METAP1D: variants seen among roughly 807,000 people sequenced by gnomAD.
METAP1D encodes methionine aminopeptidase 1D, mitochondrial.
A neutral mutation model predicts 40.5 loss-of-function variants in METAP1D; 31 were observed. That is an observed-to-expected ratio of 0.77 (90% confidence interval 0.58 to 1.03). The LOEUF is 1.03. METAP1D is among the 50% of genes least tolerant of loss of function. The pLI is 0.00. For synonymous variants in METAP1D, 151 were observed against 146.4 expected (o/e 1.03, Z -0.22); for missense variants, 411 against 420.7 (o/e 0.98, Z 0.20).
At chr2:172,057,014 G>A (rs1225799466) in intron 1 of METAP1D, among the ~76,000 whole-genome samples, 1 of 152,176 alleles carries the variant, frequency 6.6e-6, no homozygotes, top group Non-Finnish European at 1.5e-5. Flanking sequence ...AATACATTAT[G>A]TAACAAAACA....
chr2:172,010,493 C>CT (rs759651661), intron 1 of METAP1D, among the ~76,000 whole-genome samples: 22,616 of 88,430 alleles, frequency 0.26, 3,656 homozygotes, highest in Non-Finnish European at 0.29. Flanking sequence ...CTTCTTTCCT[C>CT]TTTTTTTTTT....
intron 1 of METAP1D, among the ~76,000 whole-genome samples, chr2:172,030,166 C>T (rs184400731): frequency 4.0e-5 from 6 of 151,346 alleles, no homozygotes; most frequent in African/African-American, 1.5e-4. Flanking sequence ...CTCGGCTCAC[C>T]ACAACCTCCA....
At chr2:172,069,704 T>C (rs1690376291) in intron 5 of METAP1D, among the ~76,000 whole-genome samples, 1 of 152,210 alleles carries the variant, frequency 6.6e-6, no homozygotes, top group Non-Finnish European at 1.5e-5. Context: ...GTAATTAAGA[T>C]AATTTGATAT....
chr2:172,056,121 A>C (rs1689997018), intron 1 of METAP1D, among the ~76,000 whole-genome samples: 1 of 152,182 alleles, frequency 6.6e-6, no homozygotes, highest in Non-Finnish European at 1.5e-5. Context: ...ATTGAAAAAA[A>C]TCTTCATGAG....
In METAP1D at chr2:172,031,975, CAT is replaced by C. The variant is rs571858415; in HGVS notation, c.41-29522_41-29521del. Among the ~76,000 whole-genome samples the C allele has an allele frequency of 1.8e-4, 27 of 152,326 alleles. No homozygotes were observed. In the East Asian group the frequency reaches 2.9e-3, roughly 16 times the overall value. ...CTTTCTTGTTGCCCGGCTGGTCAAACATGTGTAACGGTGCCCTGGGGCACCAA... is the reference window on the plus strand; with the variant it reads ...CTTTCTTGTTGCCCGGCTGGTCAAACGTGTAACGGTGCCCTGGGGCACCAA... On this transcript the variant is annotated intron_variant, in intron 1 of 9. Coordinates refer to ENST00000315796, the MANE Select transcript of METAP1D (RefSeq NM_199227.3).
intron 1 of METAP1D, among the ~76,000 whole-genome samples, chr2:172,041,740 A>ATATATATATG (rs1689535514): frequency 1.3e-5 from 1 of 79,220 alleles, no homozygotes; most frequent in African/African-American, 3.9e-5. Flanking sequence ...ATATATATAT[A>ATATATATATG]TATATATATA....
chr2:172,030,257 T>G (rs1360884926), intron 1 of METAP1D, among the ~76,000 whole-genome samples: 1 of 151,098 alleles, frequency 6.6e-6, no homozygotes, highest in Non-Finnish European at 1.5e-5. Flanking sequence ...GCCTGGCTAA[T>G]TTTTTTTTAT....
At chr2:172,049,144 C>T (rs1689829383) in intron 1 of METAP1D, among the ~76,000 whole-genome samples, 1 of 152,106 alleles carries the variant, frequency 6.6e-6, no homozygotes, top group African/African-American at 2.4e-5. Flanking sequence ...GCCACCATGC[C>T]TGGCTAATGT....
chr2:172,003,072 G>A (rs1454782302), intron 1 of METAP1D, among the ~76,000 whole-genome samples: 1 of 152,040 alleles, frequency 6.6e-6, no homozygotes, highest in African/African-American at 2.4e-5. Flanking sequence ...TCAAAGTTAA[G>A]CTCATTAAAA....
At chr2:172,057,612 GCCTTTT>G (rs1690030747) in intron 1 of METAP1D, among the ~76,000 whole-genome samples, 1 of 152,174 alleles carries the variant, frequency 6.6e-6, no homozygotes, top group Admixed American at 6.5e-5. Context: ...GTTTTGTGAT[GCCTTTT>G]CAATTTTCTG....
intron 1 of METAP1D, among the ~76,000 whole-genome samples, chr2:172,011,430 G>A (rs1403915554): frequency 3.9e-5 from 6 of 151,912 alleles, no homozygotes; most frequent in Admixed American, 6.6e-5. Flanking sequence ...GACTACAGGC[G>A]CCCGCCACCA....
intron 1 of METAP1D, among the ~76,000 whole-genome samples, chr2:172,038,097 C>T (rs1352257330): frequency 5.3e-5 from 8 of 152,078 alleles, no homozygotes; most frequent in South Asian, 2.1e-4. Context: ...GTAAAGTGGA[C>T]GTTTCAATTT....
intron 1 of METAP1D, among the ~76,000 whole-genome samples, chr2:172,003,501 C>T (rs1237012955): frequency 6.6e-6 from 1 of 152,112 alleles, no homozygotes; most frequent in Admixed American, 6.5e-5. Context: ...TAGTTTCCCC[C>T]ATTCTGTTCT....
rs1574111044 is a variant in METAP1D, at chr2:172,037,609, C to T, written c.41-23889C>T. On this transcript the variant is annotated intron_variant, in intron 1 of 9. Transcript: ENST00000315796. ...CCCCATTTTTTAACAGATGAAGAAA[C>T]TGAGGCATTAAATGGTTAAGTAACT... 3.9e-5 allele frequency among the ~76,000 whole-genome samples: 6 copies of T among 152,224 alleles called. 1 individual carries two copies. The Middle Eastern group carries it at 0.017, about 431-fold the overall frequency.
rs1443601417 is a variant in METAP1D at position 172,066,316 on chromosome 2, T to G, written c.540+10T>G. Reference sequence around the variant, plus strand: ...CAACATTGATGTCACAGTGAGTAAATCATATAAAAAATTGTCTTTGATCAA... The same window carrying G: ...CAACATTGATGTCACAGTGAGTAAAGCATATAAAAAATTGTCTTTGATCAA... On this transcript the variant is annotated intron_variant, in intron 5 of 9. Transcript: ENST00000315796. The G allele has an allele frequency of 5.6e-6, 9 of 1,607,254 alleles. No homozygotes were observed. Among genetic ancestry groups the G allele is most frequent in the Non-Finnish European group, 7.6e-6 (9 of 1,176,878 alleles).
At chr2:172,055,095 A>G (rs556806154) in intron 1 of METAP1D, among the ~76,000 whole-genome samples, 141 of 152,296 alleles carry the variant, frequency 9.3e-4, no homozygotes, top group South Asian at 4.1e-3. Flanking sequence ...TGGTGTCTCT[A>G]AAAACATCAG....
At chr2:172,005,075 C>T (rs1558990081) in intron 1 of METAP1D, among the ~76,000 whole-genome samples, 2 of 152,102 alleles carry the variant, frequency 1.3e-5, no homozygotes, top group African/African-American at 2.4e-5. Context: ...CCACCACACC[C>T]AGCTAATTTT....
At chr2:172,048,475 TTAAC>T (rs1689809210) in intron 1 of METAP1D, among the ~76,000 whole-genome samples, 1 of 152,202 alleles carries the variant, frequency 6.6e-6, no homozygotes, top group African/African-American at 2.4e-5. Context: ...CTTAAAGAAT[TTAAC>T]TAACTTGTTT....
At chr2:172,027,675 C>A (rs1214572475) in intron 1 of METAP1D, among the ~76,000 whole-genome samples, 2 of 152,208 alleles carry the variant, frequency 1.3e-5, no homozygotes, top group Non-Finnish European at 2.9e-5. Flanking sequence ...TCCCTTCTGA[C>A]TTAACATTAT....
Sources: gnomAD v4.1 joint callset for allele counts (sites outside exome capture counted in the v4.1 genomes callset) on GRCh38, gnomAD v4.1.1 for gene constraint, MANE v1.5 for transcripts, NCBI Gene and HGNC (gene_info 2026-07-23, HGNC 2026-07-21) for gene names.